ADPRHL1: variants seen among roughly 807,000 people sequenced by gnomAD.
ADPRHL1 encodes the protein inactive ADP-ribosyltransferase ARH2.
ADPRHL1 carries 43 observed loss-of-function variants against 44.1 expected under a neutral mutation model. The observed-to-expected ratio is 0.98, with a 90% CI of 0.76 to 1.26. ADPRHL1 has a LOEUF of 1.26. Ranked by LOEUF, ADPRHL1 falls within the 50% of genes most tolerant of loss-of-function variation. The pLI is 0.00. For missense variants in ADPRHL1, 2,022 were observed against 2,496.9 expected (o/e 0.81, Z 4.05); for synonymous variants, 878 against 1,017.4 (o/e 0.86, Z 2.61).
At chr13:113,408,289 T>G in intron 7 of ADPRHL1, 69 bp from the exon 8 acceptor site, 1 of 1,228,038 alleles carries the variant, frequency 8.1e-7, no homozygotes, top group Non-Finnish European at 1.0e-6. Context: ...ATAGAACATT[T>G]ATCATGGGGC....
Position 113,403,859 on chromosome 13 carries a change from G to C in ADPRHL1, c.5423C>G (p.Ala1808Gly), listed in dbSNP as rs1357106000. The C allele has an allele frequency of 8.0e-7, 1 of 1,247,974 alleles. No individual in the cohort carries two copies. Among genetic ancestry groups the C allele is most frequent in the Non-Finnish European group, 1.0e-6 (1 of 999,128 alleles). The allele number at this position is 1,247,974 out of a possible 1,614,324, so 77.3% of individuals were successfully genotyped here. A position where few individuals can be genotyped will look rare whatever the true frequency, so the allele number is the denominator to read the frequency against. ...ERAWEQGREQ[A>G]LTSGMAPRAW... ...CCGAGGCGCCATCCCACTTGTCAAG[G>C]CCTGTTCCCGACCCTGTTCCCAAGC... The change falls in exon 8 of 8, where the codon GCC becomes GGC. Residue 1808 changes from alanine (A) to glycine (G), a missense_variant. By Grantham distance (60) the Ala-to-Gly change is moderately conservative. Coordinates refer to ENST00000612156, the MANE Select transcript of ADPRHL1 (RefSeq NM_001394807.1).
Position 113,403,986 on chromosome 13 carries a change from T to C in ADPRHL1, c.5296A>G (p.Lys1766Glu), listed in dbSNP as rs1006596556. Residue 1766 changes from lysine to glutamate, a missense_variant, in exon 8 of 8, where the codon AAA (lysine) becomes GAA (glutamate). This residue lies in a region of ADPRHL1 where 24 missense variants were observed against 80.7 expected (regional missense o/e 0.30). Transcript: ENST00000612156. ...THIEAQGQAQ[K>E]GAQEWARDRA... ...TCCCGAGCCCATTCCTGAGCCCCTTTCTGGGCCTGACCCTGAGCCTCTATG... is the reference window on the plus strand; with the variant it reads ...TCCCGAGCCCATTCCTGAGCCCCTTCCTGGGCCTGACCCTGAGCCTCTATG... 1.9e-5 allele frequency: 25 copies of C among 1,318,758 alleles called. No homozygotes were observed. The highest frequency in any genetic ancestry group is 2.3e-5 in the Non-Finnish European group (24 of 1,045,046). The allele number at this position is 1,318,758 out of a possible 1,614,324, so 81.7% of individuals were successfully genotyped here.
chr13:113,438,234 T>G (rs6577046), intron 2 of ADPRHL1, among the ~76,000 whole-genome samples: 50,772 of 152,094 alleles, frequency 0.33, 8,761 homozygotes, highest in Middle Eastern at 0.49. Context: ...TGACAGCACT[T>G]GCTACATTTT....
intron 2 of ADPRHL1, among the ~76,000 whole-genome samples, chr13:113,434,160 G>T (rs1398273349): frequency 2.0e-5 from 3 of 152,158 alleles, no homozygotes; most frequent in African/African-American, 7.2e-5. Context: ...TGTTTTCCCT[G>T]TAAAAACAGC....
chr13:113,418,020 T>C (rs890503519), intron 7 of ADPRHL1, among the ~76,000 whole-genome samples: 32 of 152,234 alleles, frequency 2.1e-4, no homozygotes, highest in African/African-American at 7.5e-4. Context: ...AGCTTGGGCC[T>C]GAGGTTATGC....
intron 1 of ADPRHL1, among the ~76,000 whole-genome samples, chr13:113,447,351 G>C (rs913280653): frequency 6.6e-6 from 1 of 150,842 alleles, no homozygotes; most frequent in Non-Finnish European, 1.5e-5. Context: ...CTACACTCAC[G>C]GTGTTGTGTG....
At chr13:113,421,333 A>C (rs1277575550) in intron 7 of ADPRHL1, among the ~76,000 whole-genome samples, 8 of 40,538 alleles carry the variant, frequency 2.0e-4, no homozygotes, top group African/African-American at 3.8e-4. Context: ...GGACACGCCC[A>C]CCCCCGGGAC....
intron 7 of ADPRHL1, among the ~76,000 whole-genome samples, chr13:113,420,192 G>A (rs2043908362): frequency 6.6e-6 from 1 of 152,188 alleles, no homozygotes; most frequent in Admixed American, 6.5e-5. Context: ...TGTCCCCTCA[G>A]TGCTTTCTTT....
chr13:113,443,969 C>A (rs565495124), intron 2 of ADPRHL1, among the ~76,000 whole-genome samples: 20 of 152,150 alleles, frequency 1.3e-4, no homozygotes, highest in African/African-American at 4.8e-4. Context: ...TTAAAGCGTG[C>A]TTTTCAATAG....
chr13:113,408,182 A>G lies in ADPRHL1; in HGVS notation c.1100T>C (p.Val367Ala). The stretch of plus-strand genomic sequence containing the variant: ...CTTCTTCTTCAGGGTTTGGGCGTCC[A>G]CAGACATGACGTCACTGCAGGTCTT... ...SSKTCSDVMS[V>A]DAQTLKKKMG... Residue 367 changes from valine to alanine, a missense_variant, in exon 8 of 8, where the codon GTG (valine) becomes GCG (alanine). Physicochemically the swap from Val to Ala is moderately conservative, Grantham distance 64 (BLOSUM62 0). Transcript: ENST00000612156. The G allele has an allele frequency of 8.1e-7, 1 of 1,232,042 alleles. No individual in the cohort carries two copies. The highest frequency in any genetic ancestry group is 1.0e-6 in the Non-Finnish European group (1 of 987,980). The allele number at this position is 1,232,042 out of a possible 1,614,324, so 76.3% of individuals were successfully genotyped here. A position where few individuals can be genotyped will look rare whatever the true frequency, so the allele number is the denominator to read the frequency against.
intron 2 of ADPRHL1, among the ~76,000 whole-genome samples, chr13:113,436,453 T>C (rs370476045): frequency 0.011 from 14 of 1,236 alleles, no homozygotes; most frequent in Non-Finnish European, 0.012. Context: ...GGCACCCAGG[T>C]GCAGGGTGAA....
rs895683558 is a variant in ADPRHL1 at position 113,406,569 on chromosome 13, G to A, written c.2713C>T (p.Leu905Phe). 9 of 1,231,966 alleles carry A rather than the reference G, an allele frequency of 7.3e-6. No individual in the cohort carries two copies. In the African/African-American group the frequency reaches 1.2e-4, roughly 17 times the overall value. The allele number at this position is 1,231,966 out of a possible 1,614,324, so 76.3% of individuals were successfully genotyped here. A position where few individuals can be genotyped will look rare whatever the true frequency, so the allele number is the denominator to read the frequency against. ...GHRAPVELSKLSGMQAGLSAS... is the reference protein window; with the variant it reads ...GHRAPVELSKFSGMQAGLSAS... Reference sequence around the variant, plus strand: ...CTGAGTCCCGCCTGCATCCCTGAAAGCTTGCTCAGTTCCACTGGGGCTCGG... The same window carrying A: ...CTGAGTCCCGCCTGCATCCCTGAAAACTTGCTCAGTTCCACTGGGGCTCGG... Residue 905 changes from leucine (L) to phenylalanine (F), a missense_variant, in exon 8 of 8, where the codon CTT becomes TTT. Physicochemically the swap from Leu to Phe is conservative, Grantham distance 22. Transcript: ENST00000612156.
At position 113,404,809 on chromosome 13, in the gene ADPRHL1, C is replaced by A. The variant is rs1297371829; in HGVS notation, c.4473G>T (p.Gln1491His). 3.2e-6 allele frequency: 4 copies of A among 1,256,776 alleles called. No individual in the cohort carries two copies. The African/African-American group carries it at 6.2e-5, about 19-fold the overall frequency. The allele number at this position is 1,256,776 out of a possible 1,614,324, so 77.9% of individuals were successfully genotyped here. The change falls in exon 8 of 8, where the codon CAG becomes CAT. Residue 1491 changes from glutamine to histidine, a missense_variant. By Grantham distance (24) the Gln-to-His change is conservative. Around this residue, in one of 8 missense-constraint regions of ADPRHL1, gnomAD observed 1,221 missense variants for 1,517.8 expected, o/e 0.80. Coordinates refer to ENST00000612156, the MANE Select transcript of ADPRHL1 (RefSeq NM_001394807.1). ...SPAAQGQAQK[Q>H]VQEWDRGQVQ... is the part of the protein sequence containing the mutation. ...CCTGTCCCCGGTCCCATTCCTGAAC[C>A]TGTTTCTGGGCCTGTCCTTGGGCTG...
At chr13:113,410,189 T>A (rs375036091) in intron 7 of ADPRHL1, 8 of 927,446 alleles carry the variant, frequency 8.6e-6, no homozygotes, top group Non-Finnish European at 9.0e-6. Context: ...AGGACTCCGC[T>A]TCCCCCACCT....
At chr13:113,452,032 A>G (rs1249538075) in intron 1 of ADPRHL1, among the ~76,000 whole-genome samples, 2 of 152,186 alleles carry the variant, frequency 1.3e-5, no homozygotes, top group Non-Finnish European at 2.9e-5. Context: ...GTATGAGCGC[A>G]CACACGGCAT....
rs369375515 is a variant in ADPRHL1, at chr13:113,453,199, C to A, written c.214+25G>T. 6.2e-7 allele frequency: 1 copy of A among 1,613,208 alleles called. No individual in the cohort carries two copies. The highest frequency in any genetic ancestry group is 8.5e-7 in the Non-Finnish European group (1 of 1,179,648). ...GCCAGTGTTCCCTCCAGCCCGCACA[C>A]CGGAGCGCGGTGGGCCCAGCCTACC... On this transcript the variant is annotated intron_variant, in intron 1 of 7. Coordinates refer to ENST00000612156, the MANE Select transcript of ADPRHL1 (RefSeq NM_001394807.1). The surrounding 1 kb of genome is among the most constrained non-coding windows in gnomAD (Gnocchi z 5.4).
chr13:113,432,464 G>A (rs915107095), intron 3 of ADPRHL1, among the ~76,000 whole-genome samples: 1 of 152,188 alleles, frequency 6.6e-6, no homozygotes, highest in African/African-American at 2.4e-5. Context: ...TTTTTAATTT[G>A]CGCCCAGTTG....
At chr13:113,428,225 C>T (rs2043980798) in intron 4 of ADPRHL1, among the ~76,000 whole-genome samples, 1 of 131,558 alleles carries the variant, frequency 7.6e-6, no homozygotes, top group African/African-American at 2.9e-5. Context: ...GCCTGGGTGA[C>T]GAGCCAGATT....
At chr13:113,411,588 T>C (rs1391063438) in intron 7 of ADPRHL1, among the ~76,000 whole-genome samples, 5 of 152,198 alleles carry the variant, frequency 3.3e-5, no homozygotes, top group Non-Finnish European at 4.4e-5. Flanking sequence ...CAGCCGGCTT[T>C]CACCCCGCAG....
Sources: gnomAD v4.1 joint callset for allele counts (sites outside exome capture counted in the v4.1 genomes callset) on GRCh38, gnomAD v4.1.1 for gene constraint, gnomAD v4.1.1 regional missense constraint, Gnocchi (gnomAD v3.1) non-coding constraint, MANE v1.5 for transcripts, NCBI Gene and HGNC (gene_info 2026-07-23, HGNC 2026-07-21) for gene names.